C5orf58: variants seen among roughly 807,000 people sequenced by gnomAD.
C5orf58 encodes the protein putative uncharacterized protein C5orf58.
A neutral mutation model predicts 2.9 loss-of-function variants in C5orf58; 2 were observed. The ratio of observed to expected loss-of-function variants is 0.69; its 90% CI spans 0.28 to 2.18. C5orf58 has a LOEUF of 2.18. Ranked by LOEUF, C5orf58 falls within the 30% of genes most tolerant of loss-of-function variation. C5orf58 has a pLI of 0.13. For missense variants in C5orf58, 96 were observed against 91.7 expected, an observed-to-expected ratio of 1.05 and a Z score of -0.19; for synonymous variants, 37 against 33.4, an observed-to-expected ratio of 1.11 and a Z score of -0.37.
chr5:170,242,444 C>G (rs1186993816), intron 3 of C5orf58, among the ~76,000 whole-genome samples: 1 of 130,024 alleles, frequency 7.7e-6, no homozygotes, highest in East Asian at 2.1e-4. Flanking sequence ...TGATTATTGC[C>G]CCAATTTCAG....
downstream of C5orf58, chr5:170,246,331 T>C (rs1761291651): frequency 5.4e-6 from 2 of 371,678 alleles, no homozygotes; most frequent in South Asian, 5.4e-5. Flanking sequence ...GGGTCACTGC[T>C]TATCCTTTAG....
chr5:170,251,346 C>G (rs1204711366), intron 2 of C5orf58: 2 of 199,342 alleles, frequency 1.0e-5, no homozygotes, highest in Admixed American at 5.4e-5. Flanking sequence ...TTCTTAAAAC[C>G]CTGTGATCTC....
chr5:170,241,656 A>C (rs1465912866), intron 3 of C5orf58, among the ~76,000 whole-genome samples: 1 of 150,560 alleles, frequency 6.6e-6, no homozygotes, highest in Non-Finnish European at 1.5e-5. Context: ...GAAGTTGCTT[A>C]TCAGCTTAAG....
chr5:170,248,923 T>A, downstream of C5orf58: 9 of 1,160,932 alleles, frequency 7.8e-6, no homozygotes, highest in Non-Finnish European at 1.1e-5. Flanking sequence ...CTTCAAGTGA[T>A]GAGGATTGTG....
downstream of C5orf58, chr5:170,250,637 A>G (rs1761414633): frequency 2.0e-6 from 2 of 999,594 alleles, no homozygotes. Flanking sequence ...TAAATTTGCC[A>G]TACAGCACGG....
chr5:170,233,151 C>G (rs1278480588), intron 1 of C5orf58, 144 bp downstream of exon 1: 1 of 194,512 alleles, frequency 5.1e-6, no homozygotes, highest in Non-Finnish European at 9.4e-6. Flanking sequence ...CGGAGCCTCT[C>G]CCTGGGTGTC....
intron 1 of C5orf58, 26 bp from the exon 2 acceptor site, chr5:170,234,089 T>C (rs779591484): frequency 6.7e-6 from 9 of 1,341,048 alleles, no homozygotes; most frequent in Non-Finnish European, 9.0e-6. Context: ...AAGCGCATTT[T>C]ATTAATGTCT....
At chr5:170,236,051 C>A (rs1000262893) in intron 3 of C5orf58, among the ~76,000 whole-genome samples, 14 of 152,068 alleles carry the variant, frequency 9.2e-5, no homozygotes, top group Non-Finnish European at 2.1e-4. Context: ...TCCCAGATCC[C>A]TCCAGCACAG....
At chr5:170,248,933 G>T, downstream of C5orf58, 1 of 1,060,406 alleles carries the variant, frequency 9.4e-7, no homozygotes. Flanking sequence ...TGAGGATTGT[G>T]GGGGGAAAAA....
intron 3 of C5orf58, among the ~76,000 whole-genome samples, chr5:170,236,988 T>A (rs974905480): frequency 6.6e-6 from 1 of 152,372 alleles, no homozygotes; most frequent in Admixed American, 6.5e-5. Context: ...AAAATTTTTA[T>A]TAAATGAATA....
chr5:170,234,659 A>G (rs1383625156), intron 2 of C5orf58, among the ~76,000 whole-genome samples: 1 of 152,222 alleles, frequency 6.6e-6, no homozygotes, highest in East Asian at 1.9e-4. Context: ...CACAAACGCT[A>G]AATTGTAAGG....
At chr5:170,249,259 A>C (rs927792652), downstream of C5orf58, among the ~76,000 whole-genome samples, 1 of 151,916 alleles carries the variant, frequency 6.6e-6, no homozygotes, top group Non-Finnish European at 1.5e-5. Context: ...TGGGAGGCAG[A>C]GGTTGCAGTG....
chr5:170,245,340 G>A (rs1421190573), intron 3 of C5orf58, among the ~76,000 whole-genome samples: 1 of 152,214 alleles, frequency 6.6e-6, no homozygotes, highest in African/African-American at 2.4e-5. Context: ...ACCTAATCAA[G>A]CCTGGGCAAT....
Position 170,246,173 on chromosome 5 carries a change from G to C in C5orf58, c.*60G>C. The stretch of plus-strand genomic sequence containing the variant: ...GAACTAACAAATATTTGGGAGAGTT[G>C]AGTTTACTAATTTGTATATATATAA... On this transcript the variant is annotated 3_prime_UTR_variant, in exon 4 of 4. Coordinates refer to ENST00000593851, the MANE Select transcript of C5orf58 (RefSeq NM_001102609.3). 7.3e-7 allele frequency: 1 copy of C among 1,373,968 alleles called. No individual in the cohort carries two copies. The highest frequency in any genetic ancestry group is 1.0e-6 in the Non-Finnish European group (1 of 995,586). The allele number at this position is 1,373,968 out of a possible 1,614,324, so 85.1% of individuals were successfully genotyped here.
intron 3 of C5orf58, among the ~76,000 whole-genome samples, chr5:170,238,103 C>T (rs1369710523): frequency 6.6e-6 from 1 of 152,066 alleles, no homozygotes; most frequent in South Asian, 2.1e-4. Context: ...TTTAGTGTCA[C>T]AGTCTTAAAT....
chr5:170,244,192 C>G (rs1289231787), intron 3 of C5orf58, among the ~76,000 whole-genome samples: 5 of 147,348 alleles, frequency 3.4e-5, no homozygotes, highest in African/African-American at 1.2e-4. Context: ...CCCGACCTTT[C>G]TCTCTGGCTG....
At chr5:170,252,256 G>A (rs1483096770), downstream of C5orf58, 3 of 414,384 alleles carry the variant, frequency 7.2e-6, no homozygotes, top group East Asian at 1.0e-4. Flanking sequence ...CCGAGCCTAG[G>A]AATCCCTGCT....
chr5:170,240,635 T>C (rs1365393642), intron 3 of C5orf58, among the ~76,000 whole-genome samples: 1 of 151,838 alleles, frequency 6.6e-6, no homozygotes, highest in African/African-American at 2.4e-5. Flanking sequence ...TGTTTTTTTC[T>C]TGTAAATTTG....
In C5orf58 at chr5:170,246,104, TTCTA is replaced by T. The variant is rs1217291116; in HGVS notation, c.241_244del (p.Ile81AspfsTer21). On this transcript the variant is annotated frameshift_variant, in exon 4 of 4. Transcript: ENST00000593851. LOFTEE classifies it high-confidence loss of function. ...ATGTATCCCTTGTTTCTAACAGTTT[TTCTA>T]TCTGATTTCTTATTTGTTATGAGTT... The T allele has an allele frequency of 1.2e-6, 2 of 1,608,430 alleles. No individual in the cohort carries two copies. The highest frequency in any genetic ancestry group is 2.2e-5 in the East Asian group (1 of 44,800).
Sources: gnomAD v4.1 joint callset for allele counts (sites outside exome capture counted in the v4.1 genomes callset) on GRCh38, gnomAD v4.1.1 for gene constraint, MANE v1.5 for transcripts, NCBI Gene and HGNC (gene_info 2026-07-23, HGNC 2026-07-21) for gene names.